The following SLC34A2 variants were observed in gnomAD, a reference collection of about 807,000 sequenced individuals.
The protein encoded by SLC34A2 is sodium-dependent phosphate transport protein 2B.
SLC34A2 carries 41 observed loss-of-function variants against 50.8 expected under a neutral mutation model. The ratio of observed to expected loss-of-function variants is 0.81; its 90% confidence interval spans 0.63 to 1.05. SLC34A2 has a LOEUF of 1.05. Among genes scored for constraint, SLC34A2 ranks in the 50% least tolerant of loss-of-function variants. SLC34A2 has a pLI of 0.00. For synonymous variants in SLC34A2, 401 were observed against 364.2 expected (o/e 1.10, Z -1.15); for missense variants, 879 against 876.7 (o/e 1.00, Z -0.03).
At chr4:25,668,027 T>C (rs750558282) in intron 6 of SLC34A2, 36 bp downstream of exon 6, 1 of 1,332,710 alleles carries the variant, frequency 7.5e-7, no homozygotes, top group Non-Finnish European at 1.1e-6. Flanking sequence ...CGACATCAGC[T>C]CTATTGTTCT....
At chr4:25,672,926 C>T (rs569063986) in intron 9 of SLC34A2, among the ~76,000 whole-genome samples, 161 bp from the exon 10 acceptor site, 6 of 152,188 alleles carry the variant, frequency 3.9e-5, no homozygotes, top group South Asian at 2.1e-4. Context: ...CCCCTTGCTG[C>T]GAAGGAGGCT....
intron 2 of SLC34A2, 38 bp downstream of exon 2, chr4:25,662,650 G>A (rs374392170): frequency 3.5e-5 from 56 of 1,613,928 alleles, no homozygotes; most frequent in Non-Finnish European, 4.7e-5. Flanking sequence ...CGGCCTTTGT[G>A]AGGACCCCAG....
intron 4 of SLC34A2, chr4:25,664,919 G>A: frequency 4.3e-6 from 1 of 232,512 alleles, no homozygotes; most frequent in South Asian, 1.8e-4. Context: ...GCATTTTCGG[G>A]GGCCCTCTAT....
At chr4:25,666,066 G>T in intron 4 of SLC34A2, 62 bp from the exon 5 acceptor site, 1 of 1,599,408 alleles carries the variant, frequency 6.3e-7, no homozygotes. Context: ...TTTACTCAGT[G>T]CCCACCTAAT....
At position 25,662,729 on chromosome 4, in the gene SLC34A2, C is replaced by G. The variant is rs766364198; in HGVS notation, c.137C>G (p.Thr46Ser). Residue 46 changes from threonine (T) to serine (S), a missense_variant, in exon 3 of 13, where the codon ACC (threonine) becomes AGC (serine). Physicochemically the swap from Thr to Ser is moderately conservative, Grantham distance 58 (BLOSUM62 1). Transcript: ENST00000382051. ...NKTDNTEAPV[T>S]KIELLPSYST... is the part of the protein sequence containing the mutation. The stretch of plus-strand genomic sequence containing the variant: ...GCAGATAACACTGAGGCACCTGTAA[C>G]CAAGATTGAACTTCTGCCGTCCTAC... The G allele has an allele frequency of 2.0e-5, 32 of 1,614,124 alleles. No individual in the cohort carries two copies. The highest frequency in any genetic ancestry group is 2.6e-5 in the Non-Finnish European group (31 of 1,180,028).
intron 9 of SLC34A2, 23 bp from the exon 10 acceptor site, chr4:25,673,064 C>A: frequency 6.2e-7 from 1 of 1,613,900 alleles, no homozygotes. Flanking sequence ...GCCCTCCTGA[C>A]AAGATTCTTT....
Position 25,666,175 on chromosome 4 carries a change from C to T in SLC34A2, c.427C>T (p.Pro143Ser). Residue 143 changes from proline (P) to serine (S), a missense_variant, in exon 5 of 13, where the codon CCT becomes TCT. Transcript: ENST00000382051. ...FFSNSSIMSN[P>S]LLGLVIGVLV... ...CAGCAACAGCTCTATTATGTCCAAC[C>T]CTTTGTTGGGGCTGGTGATCGGGGT... 2 of 1,614,006 alleles carry T rather than the reference C, an allele frequency of 1.2e-6. No individual in the cohort carries two copies. The highest frequency in any genetic ancestry group is 1.1e-5 in the South Asian group (1 of 91,074).
chr4:25,671,818 T>A (rs988996817), intron 9 of SLC34A2, 97 bp downstream of exon 9: 12 of 1,553,996 alleles, frequency 7.7e-6, no homozygotes, highest in African/African-American at 2.7e-5. Context: ...GAAAGGACAG[T>A]AGGAGTCACC....
chr4:25,668,908 T>A (rs1314820251), intron 6 of SLC34A2, among the ~76,000 whole-genome samples: 2 of 144,992 alleles, frequency 1.4e-5, no homozygotes, highest in Non-Finnish European at 3.0e-5. Flanking sequence ...TTTTTTTCAG[T>A]TTTTTTTTAA....
At chr4:25,660,280 T>C (rs564763789) in intron 1 of SLC34A2, among the ~76,000 whole-genome samples, 2 of 152,322 alleles carry the variant, frequency 1.3e-5, no homozygotes, top group African/African-American at 4.8e-5. Flanking sequence ...ACTCAGGCTC[T>C]AAGAAGCCCT....
intron 4 of SLC34A2, chr4:25,664,951 C>G: frequency 4.3e-6 from 1 of 231,450 alleles, no homozygotes; most frequent in Non-Finnish European, 8.5e-6. Flanking sequence ...TCCCAGAGCC[C>G]TCCCATTTAC....
At chr4:25,665,425 C>T (rs1714444597) in intron 4 of SLC34A2, among the ~76,000 whole-genome samples, 1 of 152,080 alleles carries the variant, frequency 6.6e-6, no homozygotes, top group Admixed American at 6.6e-5. Context: ...TCCTCCGCCT[C>T]CCGAAGTGCT....
In SLC34A2 at chr4:25,676,442, A is replaced by C. The variant is rs1715124579; in HGVS notation, c.1766A>C (p.Asn589Thr). 1.9e-6 allele frequency: 3 copies of C among 1,614,042 alleles called. No homozygotes were observed. The highest frequency in any genetic ancestry group is 2.5e-6 in the Non-Finnish European group (3 of 1,179,972). Residue 589 changes from asparagine (N) to threonine (T), a missense_variant, in exon 13 of 13, where the codon AAC becomes ACC. By Grantham distance (65) the Asn-to-Thr change is moderately conservative. Transcript: ENST00000382051. Reference protein sequence around the residue: ...CPRVLPKKLQNWNFLPLWMRS... With the variant: ...CPRVLPKKLQTWNFLPLWMRS... ...CGCGTCCTGCCGAAGAAACTCCAGA[A>C]CTGGAACTTCCTGCCGCTGTGGATG...
intron 10 of SLC34A2, among the ~76,000 whole-genome samples, chr4:25,673,950 G>A (rs1306596419): frequency 2.0e-5 from 3 of 152,234 alleles, no homozygotes; most frequent in Non-Finnish European, 2.9e-5. Flanking sequence ...AAGGTTGAAG[G>A]TCAAATGTGG....
At chr4:25,662,300 G>T (rs1487754864) in intron 1 of SLC34A2, among the ~76,000 whole-genome samples, 198 bp from the exon 2 acceptor site, 1 of 152,222 alleles carries the variant, frequency 6.6e-6, no homozygotes, top group East Asian at 1.9e-4. Flanking sequence ...GTTTGAAGGG[G>T]AACCACAGAG....
intron 3 of SLC34A2, among the ~76,000 whole-genome samples, chr4:25,663,205 C>T (rs994302827): frequency 2.6e-5 from 4 of 152,108 alleles, no homozygotes; most frequent in South Asian, 2.1e-4. Context: ...CCACCCTCCT[C>T]GACCTTCCAA....
At chr4:25,669,892 C>A in intron 7 of SLC34A2, 50 bp downstream of exon 7, 1 of 1,447,782 alleles carries the variant, frequency 6.9e-7, no homozygotes, top group Non-Finnish European at 9.7e-7. Context: ...CTACCCACAA[C>A]ATCCCCTACC....
At chr4:25,675,313 G>C (rs1715055365) in intron 12 of SLC34A2, among the ~76,000 whole-genome samples, 1 of 152,240 alleles carries the variant, frequency 6.6e-6, no homozygotes, top group South Asian at 2.1e-4. Context: ...TTACAGGCGT[G>C]AGCCACTGCA....
At chr4:25,667,707 G>C (rs769233768) in intron 5 of SLC34A2, among the ~76,000 whole-genome samples, 173 bp from the exon 6 acceptor site, 11 of 152,072 alleles carry the variant, frequency 7.2e-5, no homozygotes, top group African/African-American at 7.2e-5. Context: ...AGCTAGAAAG[G>C]CACTTTCTTC....
Sources: allele counts gnomAD v4.1 joint callset (sites outside exome capture counted in the v4.1 genomes callset), GRCh38; gene constraint gnomAD v4.1.1; transcripts MANE v1.5; gene names NCBI Gene and HGNC (gene_info 2026-07-23, HGNC 2026-07-21).